Variants in CAPN15 observed in about 807,000 individuals in gnomAD.
CAPN15 encodes the protein calpain-15.
A neutral mutation model predicts 97.9 loss-of-function variants in CAPN15; 53 were observed. The ratio of observed to expected loss-of-function variants is 0.54; its 90% CI spans 0.43 to 0.68. The LOEUF (loss-of-function observed/expected upper bound fraction) is 0.68, where lower values mean the gene tolerates loss of function less well. Ranked by LOEUF, CAPN15 falls within the 30% of genes least tolerant of loss-of-function variation. CAPN15 has a pLI of 0.00. For missense variants in CAPN15, 1,592 were observed against 1,589.8 expected (o/e 1.00, Z -0.02); for synonymous variants, 922 against 722.5 (o/e 1.28, Z -4.43).
At chr16:549,239 C>CGGGGGGGGGGGGGGGGGGG in intron 5 of CAPN15, 38 bp downstream of exon 5, 1 of 1,186,764 alleles carries the variant, frequency 8.4e-7, no homozygotes. Context: ...GGCGGGTGGG[C>CGGGGGGGGGGGGGGGGGGG]GGGCGACCGG....
At chr16:549,943 A>T in intron 7 of CAPN15, 105 bp downstream of exon 7, 1 of 968,244 alleles carries the variant, frequency 1.0e-6, no homozygotes, top group South Asian at 1.6e-5. Context: ...TGCTTCCACG[A>T]GGTGCCCCTG....
intron 3 of CAPN15, chr16:539,244 C>T (rs924320842): frequency 1.3e-5 from 2 of 152,274 alleles, no homozygotes; most frequent in African/African-American, 2.4e-5. Context: ...GGAAGAAGGG[C>T]TGTGACGTGT....
intron 3 of CAPN15, chr16:539,300 G>A (rs772421821): frequency 2.0e-5 from 3 of 152,426 alleles, no homozygotes; most frequent in African/African-American, 2.4e-5. Context: ...CCAGCCTGCC[G>A]GGACGCCATC....
rs750661582 is a variant in CAPN15 at position 552,581 on chromosome 16, C to T, written c.2738-24C>T. ...TGCCCCAGGCCCACGGGGAGGGCTGCGGTTCACACGCCCGTCCTTGTAGCC... is the reference window on the plus strand; with the variant it reads ...TGCCCCAGGCCCACGGGGAGGGCTGTGGTTCACACGCCCGTCCTTGTAGCC... On this transcript the variant is annotated intron_variant, in intron 11 of 13. Coordinates refer to ENST00000219611, the MANE Select transcript of CAPN15 (RefSeq NM_005632.3). This position sits in a 1 kb window ranked among gnomAD's most constrained non-coding sequence, Gnocchi z 6.4. 2.8e-5 allele frequency: 44 copies of T among 1,552,644 alleles called. No individual in the cohort carries two copies. Among genetic ancestry groups the T allele is most frequent in the East Asian group, 4.8e-5 (2 of 42,038 alleles).
At chr16:540,265 G>A in intron 3 of CAPN15, 3 of 985,488 alleles carry the variant, frequency 3.0e-6, no homozygotes, top group South Asian at 4.7e-5. Flanking sequence ...GCCCTACCCG[G>A]GTCCCCCGGC....
Position 554,447 on chromosome 16 carries a change from A to G in CAPN15, c.*931A>G. 1 of 448,992 alleles carries G rather than the reference A, an allele frequency of 2.2e-6. No homozygotes were observed. The allele number at this position is 448,992 out of a possible 1,614,324, so 27.8% of individuals were successfully genotyped here. The stretch of plus-strand genomic sequence containing the variant: ...TTCCGGGGCCTTTTCACCTGGAGAA[A>G]CATTCCCACTCCCCTTTGGCCTCCC... On this transcript the variant is annotated 3_prime_UTR_variant, in exon 14 of 14. Transcript: ENST00000219611.
Position 547,812 on chromosome 16 carries a change from C to T in CAPN15, c.974C>T (p.Ala325Val). The change falls in exon 4 of 14, where the codon GCC (alanine) becomes GTC (valine). Residue 325 changes from alanine to valine, a missense_variant. Transcript: ENST00000219611. Reference sequence around the variant, plus strand: ...TCGGGCAGTGACATCATTGACCTGGCCGGAGACACCGTGCGTTACACGCCC... The same window carrying T: ...TCGGGCAGTGACATCATTGACCTGGTCGGAGACACCGTGCGTTACACGCCC... Reference protein sequence around the residue: ...STSGSDIIDLAGDTVRYTPAS... With the variant: ...STSGSDIIDLVGDTVRYTPAS... The T allele has an allele frequency of 1.2e-6, 2 of 1,611,816 alleles. No individual in the cohort carries two copies. Among genetic ancestry groups the T allele is most frequent in the Non-Finnish European group, 8.5e-7 (1 of 1,179,590 alleles).
chr16:548,389 A>C (rs2034750139), intron 4 of CAPN15, 102 bp downstream of exon 4: 1 of 1,194,118 alleles, frequency 8.4e-7, no homozygotes, highest in African/African-American at 1.6e-5. Flanking sequence ...GGAGCCCACA[A>C]GGCCTAAGAC....
rs76534191 is a variant in CAPN15 at position 547,905 on chromosome 16, T to C, written c.1067T>C (p.Val356Ala). The C allele has an allele frequency of 0.017, 28,032 of 1,609,998 alleles. 428 individuals are homozygous for C. The highest frequency in any genetic ancestry group is 0.073 in the African/African-American group (5,451 of 74,928). The change falls in exon 4 of 14, where the codon GTG becomes GCG. Residue 356 changes from valine (V) to alanine (A), a missense_variant. Physicochemically the swap from Val to Ala is moderately conservative, Grantham distance 64. Transcript: ENST00000219611. ...AAGTGCACGCTCAGAAACCCCACAG[T>C]GGCCCCCAGGTGCTCGGCCTGCGGC... ...CAKCTLRNPT[V>A]APRCSACGCS...
chr16:552,147 G>A lies in CAPN15; in HGVS notation c.2442G>A (p.Gly814=). 3 of 1,547,380 alleles carry A rather than the reference G, an allele frequency of 1.9e-6. No individual in the cohort carries two copies. The highest frequency in any genetic ancestry group is 2.6e-6 in the Non-Finnish European group (3 of 1,146,020). Reference sequence around the variant, plus strand: ...CCAGCTCGGCCAGCGCGCCCGTGGGGGTAACAGCGCTCACGGTGCTGGAGC... The same window carrying A: ...CCAGCTCGGCCAGCGCGCCCGTGGGAGTAACAGCGCTCACGGTGCTGGAGC... The part of the protein sequence containing the change: ...CFPSSASAPV[G]VTALTVLERA... Residue 814 remains glycine (G), a synonymous_variant, in exon 10 of 14, where the codon GGG becomes GGA. Coordinates refer to ENST00000219611, the MANE Select transcript of CAPN15 (RefSeq NM_005632.3). This position sits in a 1 kb window ranked among gnomAD's most constrained non-coding sequence, Gnocchi z 6.4.
In CAPN15 at chr16:547,309, G is replaced by A. The variant is rs369178350; in HGVS notation, c.471G>A (p.Thr157=). The A allele has an allele frequency of 5.9e-4, 905 of 1,525,318 alleles. 1 individual carries two copies. The highest frequency in any genetic ancestry group is 1.6e-3 in the Middle Eastern group (7 of 4,404). The allele number at this position is 1,525,318 out of a possible 1,614,324, so 94.5% of individuals were successfully genotyped here. A position where few individuals can be genotyped will look rare whatever the true frequency, so the allele number is the denominator to read the frequency against. ...GTCCGCGTTGCACGCTGCACAACAC[G>A]CCCGTGGCCAGCTCCTGCTCCGTCT... is the stretch of plus-strand genomic sequence containing the variant. ...WACPRCTLHN[T]PVASSCSVCG... The change falls in exon 4 of 14, where the codon ACG becomes ACA. Residue 157 remains threonine (T), a synonymous_variant. Coordinates refer to ENST00000219611, the MANE Select transcript of CAPN15 (RefSeq NM_005632.3).
At position 552,415 on chromosome 16, in the gene CAPN15, C is replaced by T. The variant is rs371731942; in HGVS notation, c.2622C>T (p.Arg874=). 233 of 1,609,568 alleles carry T rather than the reference C, an allele frequency of 1.4e-4. 2 individuals are homozygous for T. Among genetic ancestry groups the T allele is most frequent in the South Asian group, 8.5e-4 (77 of 91,022 alleles). Residue 874 remains arginine, a synonymous_variant, in exon 11 of 14, where the codon CGC becomes CGT. Transcript: ENST00000219611. The surrounding 1 kb of genome is among the most constrained non-coding windows in gnomAD (Gnocchi z 6.4). ...SLGRLLAHSK[R]AVKKFVSCDV... ...GCCGCCTCCTGGCCCACAGTAAGCG[C>T]GCGGTCAAGAAGTTCGTCAGCTGCG...
rs535065192 is a variant in CAPN15, at chr16:536,633, G to T, written c.-23+491G>T. Among the ~76,000 whole-genome samples, 10 of 152,212 alleles carry T rather than the reference G, an allele frequency of 6.6e-5. No homozygotes were observed. The East Asian group carries it at 1.5e-3, about 24-fold the overall frequency. On this transcript the variant is annotated intron_variant, in intron 3 of 13. Transcript: ENST00000219611. ...TAGAAACAGGGTTTCTCCATCTTGC[G>T]CAGGCTAGTCTTGAACTCCTGACCT...
Position 552,891 on chromosome 16 carries a change from TG to T in CAPN15, c.2934del (p.Thr979HisfsTer54). On this transcript the variant is annotated frameshift_variant, in exon 13 of 14. Transcript: ENST00000219611. LOFTEE classifies it high-confidence loss of function. The surrounding 1 kb of genome is among the most constrained non-coding windows in gnomAD (Gnocchi z 6.4). ...CGTGAGGGCATGACCTGCTACTACC[TG>T]ACACACGGTTGGGCGGGGCTCATCG... ...EGREGMTCYYLTHGWAGLIVV... is the reference protein window; with the variant it reads ...EGREGMTCYYXTHGWAGLIVV... 6.3e-7 allele frequency: 1 copy of T among 1,590,292 alleles called. No individual in the cohort carries two copies. The highest frequency in any genetic ancestry group is 8.6e-7 in the Non-Finnish European group (1 of 1,165,662).
intron 3 of CAPN15, among the ~76,000 whole-genome samples, chr16:544,684 G>A (rs1048273361): frequency 1.5e-5 from 2 of 135,376 alleles, no homozygotes; most frequent in Admixed American, 7.5e-5. Context: ...AGTAAGGAGC[G>A]GCCCGTCGCC....
At chr16:528,800 G>A in intron 1 of CAPN15, 3 of 975,902 alleles carry the variant, frequency 3.1e-6, no homozygotes, top group African/African-American at 1.7e-5. Flanking sequence ...GGGAAGACTG[G>A]GACTCCGTTG....
rs1201635865 is a variant in CAPN15, at chr16:553,058, GC to G, written c.3083+24del. 153 of 1,169,144 alleles carry G rather than the reference GC, an allele frequency of 1.3e-4. 1 individual carries two copies. The highest frequency in any genetic ancestry group is 1.6e-4 in the Non-Finnish European group (147 of 920,590). 72.4% of individuals were successfully genotyped at this position (1,169,144 alleles called of 1,614,324 possible). The stretch of plus-strand genomic sequence containing the variant: ...CCTGCACAGGTGCGCCCCCGCCCCT[GC>G]CCCCCCACCCCTGCACAGGTGCCCC... On this transcript the variant is annotated intron_variant, in intron 13 of 13. Coordinates refer to ENST00000219611, the MANE Select transcript of CAPN15 (RefSeq NM_005632.3).
intron 1 of CAPN15, among the ~76,000 whole-genome samples, chr16:531,308 C>CA (rs2033234552): frequency 6.6e-6 from 1 of 152,222 alleles, no homozygotes; most frequent in African/African-American, 2.4e-5. Flanking sequence ...AAGTGATCTT[C>CA]CTGCCTCAGC....
At chr16:542,883 ATC>A in intron 3 of CAPN15, among the ~76,000 whole-genome samples, 1 of 152,176 alleles carries the variant, frequency 6.6e-6, no homozygotes, top group Non-Finnish European at 1.5e-5. Flanking sequence ...GTGAAACCCC[ATC>A]TCTACTAAAA....
Sources: gnomAD v4.1 joint callset for allele counts (sites outside exome capture counted in the v4.1 genomes callset) on GRCh38, gnomAD v4.1.1 for gene constraint, Gnocchi (gnomAD v3.1) non-coding constraint, MANE v1.5 for transcripts, NCBI Gene and HGNC (gene_info 2026-07-23, HGNC 2026-07-21) for gene names.